The following LARGE1 variants were observed in gnomAD, a reference collection of about 807,000 sequenced individuals.
The protein encoded by LARGE1 is LARGE xylosyl- and glucuronyltransferase 1, also known as xylosyl- and glucuronyltransferase LARGE1.
In LARGE1, 43 loss-of-function variants were observed where a neutral mutation model predicts 87.6. That is an observed-to-expected ratio of 0.49 (90% CI 0.38 to 0.63). The LOEUF (loss-of-function observed/expected upper bound fraction) is 0.63. Among genes scored for constraint, LARGE1 ranks in the 30% least tolerant of loss-of-function variants. The pLI, the probability that LARGE1 is intolerant of heterozygous loss-of-function variation, is 0.00. For missense variants in LARGE1, 802 were observed against 1,000.2 expected (o/e 0.80, Z 2.67); for synonymous variants, 434 against 394.6 (o/e 1.10, Z -1.18).
At chr22:33,773,837 AAAC>A (rs5845110) in intron 1 of LARGE1, among the ~76,000 whole-genome samples, 51,319 of 151,834 alleles carry the variant, frequency 0.34, 8,874 homozygotes, top group East Asian at 0.48. Context: ...TACGATTATC[AAAC>A]AACAATATGA....
intron 2 of LARGE1, among the ~76,000 whole-genome samples, chr22:33,712,802 T>C (rs1288902722): frequency 6.6e-6 from 1 of 152,106 alleles, no homozygotes; most frequent in African/African-American, 2.4e-5. Context: ...CCCAGCATTC[T>C]TCAACAGCCT....
At chr22:33,396,046 C>G (rs568912506) in intron 7 of LARGE1, among the ~76,000 whole-genome samples, 1 of 152,314 alleles carries the variant, frequency 6.6e-6, no homozygotes, top group East Asian at 1.9e-4. Context: ...CAGCTCTCCA[C>G]CTCTAATGCA....
At chr22:33,455,869 C>T (rs2068112270) in intron 6 of LARGE1, among the ~76,000 whole-genome samples, 1 of 151,522 alleles carries the variant, frequency 6.6e-6, no homozygotes, top group Non-Finnish European at 1.5e-5. Flanking sequence ...TGAATACTAA[C>T]TTTGCTTTAA....
intron 2 of LARGE1, among the ~76,000 whole-genome samples, chr22:33,730,458 C>T (rs1459442672): frequency 6.6e-6 from 1 of 152,192 alleles, no homozygotes; most frequent in Admixed American, 6.5e-5. Flanking sequence ...ACAACTCATG[C>T]ACGCTGTAAA....
intron 1 of LARGE1, among the ~76,000 whole-genome samples, chr22:33,775,790 T>C (rs1392201941): frequency 6.7e-6 from 1 of 148,496 alleles, no homozygotes; most frequent in Non-Finnish European, 1.5e-5. Context: ...AGGTGGAGGT[T>C]GCAGGGAGCC....
intron 4 of LARGE1, among the ~76,000 whole-genome samples, chr22:33,622,898 C>T (rs1198950792): frequency 2.0e-5 from 3 of 152,128 alleles, no homozygotes; most frequent in East Asian, 3.9e-4. Context: ...ATATTACTAC[C>T]GCTATTTTTT....
Position 33,503,256 on chromosome 22 carries a change from T to G in LARGE1, c.787+61592A>C, listed in dbSNP as rs374690626. Among the ~76,000 whole-genome samples the G allele has an allele frequency of 7.9e-3, 1,191 of 150,168 alleles. 19 individuals are homozygous for G. The highest frequency in any genetic ancestry group is 0.027 in the African/African-American group (1,116 of 40,602). On this transcript the variant is annotated intron_variant, in intron 6 of 14. Transcript: ENST00000397394. ...TAGGAGTTCCCCTTTTTTTTTTTTT[T>G]TTGTTTTTTTTTTTGTTTGAGATGG...
At chr22:33,426,945 G>A (rs977559075) in intron 7 of LARGE1, among the ~76,000 whole-genome samples, 3 of 152,186 alleles carry the variant, frequency 2.0e-5, no homozygotes, top group South Asian at 2.1e-4. Flanking sequence ...AAACCTATCT[G>A]CAAACATGCC....
intron 2 of LARGE1, among the ~76,000 whole-genome samples, chr22:33,751,196 T>C (rs879614332): frequency 6.6e-6 from 1 of 152,144 alleles, no homozygotes. Flanking sequence ...AAATTAAAAT[T>C]AAGGCTGGGC....
intron 1 of LARGE1, among the ~76,000 whole-genome samples, chr22:33,851,785 G>C (rs2063589868): frequency 6.6e-6 from 1 of 152,214 alleles, no homozygotes; most frequent in Non-Finnish European, 1.5e-5. Context: ...GCTGTCAACA[G>C]AGCAGAAATT....
intron 5 of LARGE1, among the ~76,000 whole-genome samples, chr22:33,599,245 C>A (rs140817193): frequency 1.3e-5 from 2 of 152,320 alleles, no homozygotes; most frequent in East Asian, 3.9e-4. Context: ...AGCAAATGCT[C>A]TTCAACCCCA....
intron 1 of LARGE1, among the ~76,000 whole-genome samples, chr22:33,895,731 G>GGAAACTT (rs1164261884): frequency 4.6e-5 from 7 of 152,304 alleles, no homozygotes; most frequent in Admixed American, 4.6e-4. Context: ...TTGCTATGAA[G>GGAAACTT]ATGGGGTCTT....
intron 2 of LARGE1, among the ~76,000 whole-genome samples, chr22:33,661,329 C>T (rs1035859824): frequency 6.6e-6 from 1 of 151,610 alleles, no homozygotes; most frequent in South Asian, 2.1e-4. Context: ...GATTCCCTTG[C>T]CTCAGCCTCC....
At chr22:33,256,527 G>A (rs911515084) in intron 11 of LARGE1, among the ~76,000 whole-genome samples, 1 of 152,124 alleles carries the variant, frequency 6.6e-6, no homozygotes, top group African/African-American at 2.4e-5. Flanking sequence ...AACATTGGCT[G>A]GTAAAGTGCT....
intron 9 of LARGE1, among the ~76,000 whole-genome samples, chr22:33,363,083 G>T (rs1000266370): frequency 6.7e-6 from 1 of 150,014 alleles, no homozygotes; most frequent in Non-Finnish European, 1.5e-5. Flanking sequence ...TGGGGCTCCC[G>T]CTTTTCCCAC....
intron 14 of LARGE1, among the ~76,000 whole-genome samples, 191 bp from the exon 15 acceptor site, chr22:33,274,815 A>G (rs1602191377): frequency 6.6e-6 from 1 of 152,218 alleles, no homozygotes; most frequent in Non-Finnish European, 1.5e-5. Flanking sequence ...TTGGACCAGG[A>G]AACTGGCTTC....
At chr22:33,328,580 A>AAAT (rs143321654) in intron 10 of LARGE1, among the ~76,000 whole-genome samples, 2,594 of 146,426 alleles carry the variant, frequency 0.018, 33 homozygotes, top group Admixed American at 0.024. Flanking sequence ...CTCTCTCTCA[A>AAAT]AATAATAATA....
intron 2 of LARGE1, among the ~76,000 whole-genome samples, chr22:33,668,907 C>A (rs1230334026): frequency 6.6e-6 from 1 of 152,218 alleles, no homozygotes; most frequent in Non-Finnish European, 1.5e-5. Context: ...GAAACAGATC[C>A]TCCCTCGCAA....
chr22:33,130,906 G>A, the LARGE1 span, among the ~76,000 whole-genome samples: 1 of 151,668 alleles, frequency 6.6e-6, no homozygotes, highest in African/African-American at 2.4e-5. Flanking sequence ...GGTGGCAGTC[G>A]CCTGTAGTCC....
Sources: gnomAD v4.1 joint callset for allele counts (sites outside exome capture counted in the v4.1 genomes callset) on GRCh38, gnomAD v4.1.1 for gene constraint, MANE v1.5 for transcripts, NCBI Gene and HGNC (gene_info 2026-07-23, HGNC 2026-07-21) for gene names.